The following CEP85L variants were observed in gnomAD, a reference collection of about 807,000 sequenced individuals.
CEP85L encodes centrosomal protein 85L, also known as centrosomal protein of 85 kDa-like.
In CEP85L, 60 loss-of-function variants were observed where a neutral mutation model predicts 100.3. The ratio of observed to expected loss-of-function variants is 0.60; its 90% CI spans 0.49 to 0.74. The LOEUF (loss-of-function observed/expected upper bound fraction) is 0.74. CEP85L is among the 30% of genes least tolerant of loss of function. The pLI is 0.00. For missense variants in CEP85L, 973 were observed against 936.2 expected (o/e 1.04, Z -0.51); for synonymous variants, 319 against 322.7 (o/e 0.99, Z 0.12).
At chr6:118,610,414 T>G (rs556711704) in intron 2 of CEP85L, among the ~76,000 whole-genome samples, 1 of 152,216 alleles carries the variant, frequency 6.6e-6, no homozygotes, top group African/African-American at 2.4e-5. Context: ...TGTCCAGCAA[T>G]ATGGTGACAC....
intron 2 of CEP85L, among the ~76,000 whole-genome samples, chr6:118,628,453 A>C (rs1295648035): frequency 6.6e-6 from 1 of 152,146 alleles, no homozygotes; most frequent in Non-Finnish European, 1.5e-5. Context: ...TTGGCACAGA[A>C]ATCTCTGAGC....
chr6:118,479,801 T>C lies in CEP85L; in HGVS notation c.1914+70A>G. ...ACGATATATGCATGCTTTAATATTTTCAGATTAAATAAGCATTAAGAGTAT... is the reference window on the plus strand; with the variant it reads ...ACGATATATGCATGCTTTAATATTTCCAGATTAAATAAGCATTAAGAGTAT... On this transcript the variant is annotated intron_variant, in intron 10 of 12. Coordinates refer to ENST00000368491, the MANE Select transcript of CEP85L (RefSeq NM_001042475.3). 4 of 739,996 alleles carry C rather than the reference T, an allele frequency of 5.4e-6. No homozygotes were observed. The East Asian group carries it at 1.3e-4, about 23-fold the overall frequency. 45.8% of individuals were successfully genotyped at this position (739,996 alleles called of 1,614,324 possible).
intron 2 of CEP85L, among the ~76,000 whole-genome samples, chr6:118,597,750 T>C (rs547201318): frequency 1.3e-5 from 2 of 152,298 alleles, no homozygotes; most frequent in South Asian, 4.1e-4. Flanking sequence ...ATAACGACTA[T>C]AGTCATCTAT....
intron 2 of CEP85L, among the ~76,000 whole-genome samples, chr6:118,624,969 C>G (rs1773689384): frequency 6.6e-6 from 1 of 152,230 alleles, no homozygotes; most frequent in Admixed American, 6.5e-5. Flanking sequence ...GAGGCCTCTC[C>G]TAACAATCCA....
At chr6:118,605,816 T>C (rs1158559424) in intron 2 of CEP85L, among the ~76,000 whole-genome samples, 3 of 151,966 alleles carry the variant, frequency 2.0e-5, no homozygotes, top group African/African-American at 7.2e-5. Context: ...ATCGAGGCCA[T>C]CCTGGCTAAC....
intron 5 of CEP85L, among the ~76,000 whole-genome samples, chr6:118,510,823 T>A (rs1775923184): frequency 6.6e-6 from 1 of 151,974 alleles, no homozygotes; most frequent in African/African-American, 2.4e-5. Flanking sequence ...TTTTGATGAG[T>A]AGGGGGCAGG....
intron 10 of CEP85L, among the ~76,000 whole-genome samples, chr6:118,478,461 G>A (rs1773547192): frequency 6.6e-6 from 1 of 152,002 alleles, no homozygotes; most frequent in African/African-American, 2.4e-5. Context: ...TCTGTGACCT[G>A]TATCTATAGA....
intron 3 of CEP85L, among the ~76,000 whole-genome samples, chr6:118,542,093 T>G (rs180955753): frequency 6.6e-6 from 1 of 152,306 alleles, no homozygotes; most frequent in East Asian, 1.9e-4. Flanking sequence ...TTTTAAGGTT[T>G]ATAATGGCAA....
chr6:118,474,589 C>T lies in CEP85L; in HGVS notation c.1915-3945G>A, dbSNP rs945331689. ...TGGTTCTACGCTGGGAGAGGCAAGT[C>T]AAAAAGATGTAGGGCTGCTGCCAGA... is the stretch of plus-strand genomic sequence containing the variant. On this transcript the variant is annotated intron_variant, in intron 10 of 12. Transcript: ENST00000368491. Among the ~76,000 whole-genome samples, 4 of 152,148 alleles carry T rather than the reference C, an allele frequency of 2.6e-5. No homozygotes were observed. In the East Asian group the frequency reaches 7.7e-4, roughly 29 times the overall value.
intron 3 of CEP85L, chr6:118,559,119 C>G (rs1779080779): frequency 1.3e-6 from 2 of 1,519,630 alleles, no homozygotes; most frequent in Non-Finnish European, 1.8e-6. Context: ...CTTGCCACAT[C>G]AGCTTAAAAT....
At chr6:118,706,657 A>G (rs919957355) in intron 1 of CEP85L, among the ~76,000 whole-genome samples, 1 of 152,128 alleles carries the variant, frequency 6.6e-6, no homozygotes, top group African/African-American at 2.4e-5. Flanking sequence ...CTTCTCTTTT[A>G]ACTTTCTTTT....
intron 1 of CEP85L, among the ~76,000 whole-genome samples, chr6:118,662,077 A>G (rs899914985): frequency 6.6e-6 from 1 of 152,232 alleles, no homozygotes; most frequent in Non-Finnish European, 1.5e-5. Flanking sequence ...AAAGTGCTTC[A>G]CAAGTTTTAG....
At chr6:118,667,388 T>A (rs146705843) in intron 1 of CEP85L, among the ~76,000 whole-genome samples, 2,700 of 152,270 alleles carry the variant, frequency 0.018, 52 homozygotes, top group Middle Eastern at 0.048. Flanking sequence ...AAGTCCCATG[T>A]AGGTGACAAC....
At chr6:118,567,239 G>C (rs1394349941) in intron 2 of CEP85L, among the ~76,000 whole-genome samples, 1 of 53,328 alleles carries the variant, frequency 1.9e-5, no homozygotes, top group Non-Finnish European at 3.6e-5. Flanking sequence ...GTGTGTGTGT[G>C]TGTGTGTGTG....
At chr6:118,612,675 G>A (rs1282464416) in intron 2 of CEP85L, among the ~76,000 whole-genome samples, 2 of 2,892 alleles carry the variant, frequency 6.9e-4, no homozygotes, top group African/African-American at 1.5e-3. Context: ...AAAAAAAAAA[G>A]CGGGGGGGGG....
chr6:118,690,263 T>C (rs1776992284), intron 1 of CEP85L, among the ~76,000 whole-genome samples: 2 of 152,222 alleles, frequency 1.3e-5, no homozygotes, highest in African/African-American at 4.8e-5. Flanking sequence ...GTGTCTGACT[T>C]GTAGACCATA....
intron 2 of CEP85L, among the ~76,000 whole-genome samples, chr6:118,620,023 T>C (rs1370235392): frequency 6.6e-6 from 1 of 152,154 alleles, no homozygotes; most frequent in Non-Finnish European, 1.5e-5. Context: ...CTAACTTGTA[T>C]CTTGGAAGGG....
In CEP85L at chr6:118,651,283, G is replaced by A; in HGVS notation, c.-14C>T. On this transcript the variant is annotated 5_prime_UTR_variant, in exon 1 of 13. Coordinates refer to ENST00000368491, the MANE Select transcript of CEP85L (RefSeq NM_001042475.3). ...GCGCCCCCACATCGCGGGCGAGAGG[G>A]CCGGGTGGGCCAGGGACGCCCGACT... 6.8e-7 allele frequency: 1 copy of A among 1,480,928 alleles called. No homozygotes were observed. The highest frequency in any genetic ancestry group is 8.9e-7 in the Non-Finnish European group (1 of 1,119,476). The allele number at this position is 1,480,928 out of a possible 1,614,324, so 91.7% of individuals were successfully genotyped here. A position where few individuals can be genotyped will look rare whatever the true frequency, so the allele number is the denominator to read the frequency against.
intron 2 of CEP85L, among the ~76,000 whole-genome samples, chr6:118,629,452 T>C (rs1774001664): frequency 6.6e-6 from 1 of 152,096 alleles, no homozygotes; most frequent in Admixed American, 6.5e-5. Context: ...TCATACATCA[T>C]CAGGAAAATG....
Sources: gnomAD v4.1 joint callset for allele counts (sites outside exome capture counted in the v4.1 genomes callset) on GRCh38, gnomAD v4.1.1 for gene constraint, MANE v1.5 for transcripts, NCBI Gene and HGNC (gene_info 2026-07-23, HGNC 2026-07-21) for gene names.